KCNH7: variants seen among roughly 807,000 people sequenced by gnomAD.
KCNH7 encodes potassium voltage-gated channel subfamily H member 7, also known as voltage-gated inwardly rectifying potassium channel KCNH7.
A neutral mutation model predicts 120.8 loss-of-function variants in KCNH7; 49 were observed. The observed-to-expected ratio is 0.41, with a 90% CI of 0.32 to 0.51. KCNH7 has a LOEUF of 0.51. Ranked by LOEUF, KCNH7 falls within the 20% of genes least tolerant of loss-of-function variation. The pLI is 0.38. For missense variants in KCNH7, 1,097 were observed against 1,446.6 expected (o/e 0.76, Z 3.92); for synonymous variants, 547 against 516.1 (o/e 1.06, Z -0.81).
intron 2 of KCNH7, among the ~76,000 whole-genome samples, chr2:162,722,810 T>TTCC (rs1363519826): frequency 1.4e-5 from 2 of 139,560 alleles, no homozygotes; most frequent in African/African-American, 5.6e-5. Context: ...TCATTCTTTT[T>TTCC]TTCTTTTTTT....
intron 2 of KCNH7, among the ~76,000 whole-genome samples, chr2:162,748,958 C>CCTTG (rs1688443723): frequency 7.5e-6 from 1 of 133,332 alleles, no homozygotes; most frequent in Non-Finnish European, 1.6e-5. Context: ...TTCCTTCCTT[C>CCTTG]CTTCCTTCCT....
intron 2 of KCNH7, among the ~76,000 whole-genome samples, chr2:162,799,885 T>C (rs1216283232): frequency 2.6e-5 from 4 of 151,704 alleles, no homozygotes; most frequent in African/African-American, 9.7e-5. Context: ...ATTGCTGTCT[T>C]ACCAGTGCTT....
intron 6 of KCNH7, among the ~76,000 whole-genome samples, chr2:162,479,404 C>T (rs538788860): frequency 1.3e-5 from 2 of 152,068 alleles, no homozygotes; most frequent in Non-Finnish European, 2.9e-5. Flanking sequence ...TTCAAGCAAG[C>T]ATGTTTATTT....
chr2:162,675,410 T>C lies in KCNH7; in HGVS notation c.308-138330A>G, dbSNP rs570168907. ...AATTACTTGGAAAAATAATTTTGAA[T>C]TACTTAGTAAAATTAAAGCCTACAG... On this transcript the variant is annotated intron_variant, in intron 2 of 15. Coordinates refer to ENST00000332142, the MANE Select transcript of KCNH7 (RefSeq NM_033272.4). Among the ~76,000 whole-genome samples the C allele has an allele frequency of 7.3e-5, 11 of 151,664 alleles. No individual in the cohort carries two copies. In the South Asian group the frequency reaches 2.3e-3, roughly 31 times the overall value.
chr2:162,836,887 T>A (rs752626233), intron 1 of KCNH7, 120 bp from the exon 2 acceptor site: 17 of 653,056 alleles, frequency 2.6e-5, no homozygotes, highest in Non-Finnish European at 4.5e-5. Flanking sequence ...AAATTACTAA[T>A]CTCTCCAGCC....
chr2:162,731,725 T>C (rs974799094), intron 2 of KCNH7, among the ~76,000 whole-genome samples: 10 of 152,128 alleles, frequency 6.6e-5, no homozygotes, highest in Non-Finnish European at 1.3e-4. Context: ...AATTTAGGGT[T>C]GCAGATACAT....
At chr2:162,689,481 C>T (rs1386132429) in intron 2 of KCNH7, among the ~76,000 whole-genome samples, 2 of 152,006 alleles carry the variant, frequency 1.3e-5, no homozygotes, top group Non-Finnish European at 2.9e-5. Flanking sequence ...ATTTAGATGT[C>T]TCTCATTCAG....
chr2:162,566,005 T>C (rs1479542940), intron 2 of KCNH7, among the ~76,000 whole-genome samples: 2 of 152,048 alleles, frequency 1.3e-5, no homozygotes, highest in Non-Finnish European at 2.9e-5. Flanking sequence ...AATATGAACA[T>C]ATTATTTTAT....
chr2:162,581,136 A>G (rs992282834), intron 2 of KCNH7, among the ~76,000 whole-genome samples: 1 of 152,012 alleles, frequency 6.6e-6, no homozygotes, highest in African/African-American at 2.4e-5. Flanking sequence ...CTGAAATTTG[A>G]TAGATCCCTG....
rs574779641 is a variant in KCNH7, at chr2:162,826,072, G to T, written c.307+10465C>A. The stretch of plus-strand genomic sequence containing the variant: ...AAGTGGTGAAATCCTGTATCAGCAT[G>T]TGACTGATGAAGTGTCTTCTGATAT... On this transcript the variant is annotated intron_variant, in intron 2 of 15. Coordinates refer to ENST00000332142, the MANE Select transcript of KCNH7 (RefSeq NM_033272.4). Among the ~76,000 whole-genome samples the T allele has an allele frequency of 2.6e-5, 4 of 152,140 alleles. No individual in the cohort carries two copies. The South Asian group carries it at 8.3e-4, about 32-fold the overall frequency.
At chr2:162,678,347 G>A (rs1329166814) in intron 2 of KCNH7, among the ~76,000 whole-genome samples, 1 of 151,092 alleles carries the variant, frequency 6.6e-6, no homozygotes, top group African/African-American at 2.4e-5. Flanking sequence ...TTGAAGCATT[G>A]ATAACATTGC....
chr2:162,763,197 T>A (rs1220754218), intron 2 of KCNH7, among the ~76,000 whole-genome samples: 1 of 152,122 alleles, frequency 6.6e-6, no homozygotes, highest in East Asian at 1.9e-4. Context: ...GAATGTATGC[T>A]CCTTTAAGAC....
intron 9 of KCNH7, among the ~76,000 whole-genome samples, chr2:162,422,979 A>G (rs2105489760): frequency 6.6e-6 from 1 of 152,226 alleles, no homozygotes; most frequent in South Asian, 2.1e-4. Flanking sequence ...TACTTGCCAA[A>G]TGTTATTGCA....
chr2:162,639,194 C>T (rs755820727), intron 2 of KCNH7, among the ~76,000 whole-genome samples: 33 of 152,006 alleles, frequency 2.2e-4, no homozygotes, highest in East Asian at 1.9e-4. Flanking sequence ...ATCTTTCATT[C>T]GACACTATTT....
At chr2:162,479,818 C>A (rs1370170118) in intron 6 of KCNH7, among the ~76,000 whole-genome samples, 1 of 151,952 alleles carries the variant, frequency 6.6e-6, no homozygotes, top group Non-Finnish European at 1.5e-5. Flanking sequence ...GAGAATCCCT[C>A]CTAATGCCTT....
Position 162,381,913 on chromosome 2 carries a change from G to A in KCNH7, c.2963-1892C>T, listed in dbSNP as rs74786033. ...TAGCAAACTGGGATTTAAAGATTGG[G>A]CCAGTAATGCTAAGCAAACTTCCGG... is the stretch of plus-strand genomic sequence containing the variant. On this transcript the variant is annotated intron_variant, in intron 13 of 15. Coordinates refer to ENST00000332142, the MANE Select transcript of KCNH7 (RefSeq NM_033272.4). Among the ~76,000 whole-genome samples the A allele has an allele frequency of 4.6e-3, 694 of 152,178 alleles. 4 individuals carry two copies. Among genetic ancestry groups the A allele is most frequent in the Middle Eastern group, 6.8e-3 (2 of 294 alleles).
At chr2:162,434,433 T>A (rs1688173199) in intron 8 of KCNH7, among the ~76,000 whole-genome samples, 1 of 152,030 alleles carries the variant, frequency 6.6e-6, no homozygotes, top group Non-Finnish European at 1.5e-5. Flanking sequence ...AAAACAAAAA[T>A]CCATCATGCT....
chr2:162,761,178 A>G (rs1363559661), intron 2 of KCNH7, among the ~76,000 whole-genome samples: 2 of 152,094 alleles, frequency 1.3e-5, no homozygotes. Context: ...ATCCCTGTCT[A>G]TATCAAGGAA....
chr2:162,513,960 C>T (rs951879397), intron 4 of KCNH7, among the ~76,000 whole-genome samples: 1 of 151,700 alleles, frequency 6.6e-6, no homozygotes, highest in Non-Finnish European at 1.5e-5. Context: ...CTAAATGTTG[C>T]ATACTTGCCA....
Sources: gnomAD v4.1 joint callset for allele counts (sites outside exome capture counted in the v4.1 genomes callset) on GRCh38, gnomAD v4.1.1 for gene constraint, MANE v1.5 for transcripts, NCBI Gene and HGNC (gene_info 2026-07-23, HGNC 2026-07-21) for gene names.